TSHZ1: variants seen among roughly 807,000 people sequenced by gnomAD.
The protein encoded by TSHZ1 is teashirt zinc finger homeobox 1, also known as teashirt homolog 1.
Under a neutral mutation model 67.1 loss-of-function variants are expected in TSHZ1, and 12 were observed. The observed-to-expected ratio is 0.18, with a 90% CI of 0.11 to 0.29. TSHZ1 has a LOEUF of 0.29. TSHZ1 is among the 10% of genes least tolerant of loss of function. TSHZ1 has a pLI of 1.00. For synonymous variants in TSHZ1, 632 were observed against 622.4 expected (o/e 1.02, Z -0.23); for missense variants, 1,305 against 1,413.9 (o/e 0.92, Z 1.23).
chr18:75,234,096 CAG>C (rs987491563), intron 1 of TSHZ1, among the ~76,000 whole-genome samples: 5 of 152,154 alleles, frequency 3.3e-5, no homozygotes, highest in African/African-American at 7.2e-5. Flanking sequence ...CCTCTACACA[CAG>C]AGAGAGAAGC....
At chr18:75,218,112 G>A (rs767496625) in intron 1 of TSHZ1, among the ~76,000 whole-genome samples, 3 of 152,198 alleles carry the variant, frequency 2.0e-5, no homozygotes, top group Non-Finnish European at 4.4e-5. Flanking sequence ...CAAAACCCAG[G>A]TTTCAAACAA....
Position 75,210,987 on chromosome 18 carries a change from CT to C in TSHZ1, c.-880del, listed in dbSNP as rs897487367. The stretch of plus-strand genomic sequence containing the variant: ...CACACACTCTCCGGGTTGTTGTTGC[CT>C]TTTTTTTTTCTTGGAGGGGGGGGTG... On this transcript the variant is annotated 5_prime_UTR_variant, in exon 1 of 2. The change creates a premature stop within an existing upstream ORF in the 5' untranslated region. Transcript: ENST00000580243. 210 of 117,684 alleles carry C rather than the reference CT, an allele frequency of 1.8e-3. No homozygotes were observed. Among genetic ancestry groups the C allele is most frequent in the African/African-American group, 2.2e-3 (64 of 29,414 alleles). 7.3% of individuals were successfully genotyped at this position (117,684 alleles called of 1,614,324 possible).
intron 1 of TSHZ1, among the ~76,000 whole-genome samples, chr18:75,269,079 T>C (rs2023526407): frequency 6.6e-6 from 1 of 152,098 alleles, no homozygotes; most frequent in African/African-American, 2.4e-5. Context: ...TTTAAAAAAG[T>C]CTCCTGAAAC....
At chr18:75,249,766 G>A (rs1384066285) in intron 1 of TSHZ1, among the ~76,000 whole-genome samples, 1 of 141,998 alleles carries the variant, frequency 7.0e-6, no homozygotes, top group Admixed American at 6.9e-5. Context: ...GTGGGGGGAG[G>A]TTACTTCCTC....
chr18:75,246,104 T>C (rs1272064423), intron 1 of TSHZ1, among the ~76,000 whole-genome samples: 2 of 152,236 alleles, frequency 1.3e-5, no homozygotes, highest in African/African-American at 4.8e-5. Flanking sequence ...AACCAAGACC[T>C]GCGCTTCACG....
intron 1 of TSHZ1, among the ~76,000 whole-genome samples, chr18:75,214,926 G>A (rs2022746773): frequency 6.6e-6 from 1 of 152,056 alleles, no homozygotes; most frequent in African/African-American, 2.4e-5. Context: ...TAATCACGTT[G>A]ATATTATACA....
At position 75,288,017 on chromosome 18, in the gene TSHZ1, C is replaced by A; in HGVS notation, c.2610C>A (p.Ser870Arg). The change falls in exon 2 of 2, where the codon AGC becomes AGA. Residue 870 changes from serine to arginine, a missense_variant. Ser to Arg is a moderately radical substitution (Grantham distance 110, BLOSUM62 -1). This residue lies in a region of TSHZ1 where 909 missense variants were observed against 961.8 expected (regional missense o/e 0.95). Transcript: ENST00000580243. The surrounding 1 kb of genome is among the most constrained non-coding windows in gnomAD (Gnocchi z 4.9). ...CAGAGAAGTCCGATGCTGATGGCAG[C>A]AGCTTTGAGGAGGCGTTGGACGAGC... ...TVSEKSDADG[S>R]SFEEALDELS... 1 of 1,614,194 alleles carries A rather than the reference C, an allele frequency of 6.2e-7. No individual in the cohort carries two copies. Among genetic ancestry groups the A allele is most frequent in the Non-Finnish European group, 8.5e-7 (1 of 1,180,038 alleles).
rs148319172 is a variant in TSHZ1 at position 75,286,016 on chromosome 18, A to G, written c.609A>G (p.Ala203=). ...SSSGYDWHQA[A]LAKTLQQTSS... ...CCGGGTACGACTGGCACCAGGCTGC[A>G]CTGGCCAAGACGCTGCAGCAGACGT... The change falls in exon 2 of 2, where the codon GCA becomes GCG. Residue 203 remains alanine, a synonymous_variant. Coordinates refer to ENST00000580243, the MANE Select transcript of TSHZ1 (RefSeq NM_001308210.2). This position sits in a 1 kb window ranked among gnomAD's most constrained non-coding sequence, Gnocchi z 5.1. 1,406 of 1,610,742 alleles carry G rather than the reference A, an allele frequency of 8.7e-4. 5 individuals are homozygous for G. In the Middle Eastern group the frequency reaches 0.01, roughly 12 times the overall value.
intron 1 of TSHZ1, among the ~76,000 whole-genome samples, chr18:75,229,458 A>T (rs547764010): frequency 6.6e-6 from 1 of 152,228 alleles, no homozygotes; most frequent in African/African-American, 2.4e-5. Context: ...TGTCTATGTG[A>T]TTGCTCACTG....
At chr18:75,258,267 C>T (rs1287189874) in intron 1 of TSHZ1, among the ~76,000 whole-genome samples, 2 of 152,174 alleles carry the variant, frequency 1.3e-5, no homozygotes, top group Non-Finnish European at 2.9e-5. Context: ...AAGTGCCGCA[C>T]CCCCAAGCGA....
At chr18:75,264,555 C>T (rs952152676) in intron 1 of TSHZ1, among the ~76,000 whole-genome samples, 2 of 150,954 alleles carry the variant, frequency 1.3e-5, no homozygotes, top group African/African-American at 4.9e-5. Context: ...AGGAATTGCA[C>T]TCTGATACAT....
intron 1 of TSHZ1, among the ~76,000 whole-genome samples, chr18:75,230,211 C>T (rs1223896951): frequency 1.3e-5 from 2 of 152,198 alleles, no homozygotes. Flanking sequence ...TGCACAGGGT[C>T]TCCTGCCATC....
At chr18:75,273,609 G>A (rs1568365932) in intron 1 of TSHZ1, among the ~76,000 whole-genome samples, 1 of 152,146 alleles carries the variant, frequency 6.6e-6, no homozygotes, top group Admixed American at 6.5e-5. Flanking sequence ...TTTTTCAGAC[G>A]GTGTATGTGT....
At chr18:75,218,889 G>A (rs974085885) in intron 1 of TSHZ1, among the ~76,000 whole-genome samples, 1 of 152,144 alleles carries the variant, frequency 6.6e-6, no homozygotes. Context: ...TGCTGGGAGG[G>A]CTGTTTCCTG....
chr18:75,240,922 C>T (rs924409775), intron 1 of TSHZ1, among the ~76,000 whole-genome samples: 1 of 152,140 alleles, frequency 6.6e-6, no homozygotes, highest in Non-Finnish European at 1.5e-5. Context: ...AACAGTGGCT[C>T]ATTTGGGGGT....
In TSHZ1 at chr18:75,253,195, C is replaced by T. The variant is rs370943373; in HGVS notation, c.41-32253C>T. On this transcript the variant is annotated intron_variant, in intron 1 of 1. Coordinates refer to ENST00000580243, the MANE Select transcript of TSHZ1 (RefSeq NM_001308210.2). ...AATGGACTTTTCTGTTATATTTTAACTGGTTGTGTATTGAGATGCTGTTGA... is the reference window on the plus strand; with the variant it reads ...AATGGACTTTTCTGTTATATTTTAATTGGTTGTGTATTGAGATGCTGTTGA... 8.2e-4 allele frequency among the ~76,000 whole-genome samples: 125 copies of T among 152,068 alleles called. 1 individual carries two copies. The highest frequency in any genetic ancestry group is 2.9e-3 in the African/African-American group (121 of 41,478).
At chr18:75,278,778 T>C (rs1014202323) in intron 1 of TSHZ1, among the ~76,000 whole-genome samples, 4 of 152,008 alleles carry the variant, frequency 2.6e-5, no homozygotes, top group Admixed American at 1.3e-4. Context: ...CCGGAGGTGG[T>C]GCTGTGGCTC....
chr18:75,288,899 A>T lies in TSHZ1; in HGVS notation c.*258A>T, dbSNP rs1053473813. 8.9e-5 allele frequency: 35 copies of T among 392,750 alleles called. No homozygotes were observed. The highest frequency in any genetic ancestry group is 7.1e-4 in the African/African-American group (34 of 48,166). The allele number at this position is 392,750 out of a possible 1,614,324, so 24.3% of individuals were successfully genotyped here. ...TGTTAAGCTATCTTTTGTAGGAAAT[A>T]GTGGGGCACACTACTCAGAGACATT... On this transcript the variant is annotated 3_prime_UTR_variant, in exon 2 of 2. Transcript: ENST00000580243. The surrounding 1 kb of genome is among the most constrained non-coding windows in gnomAD (Gnocchi z 4.9).
intron 1 of TSHZ1, among the ~76,000 whole-genome samples, chr18:75,236,466 G>A (rs1442541564): frequency 1.3e-5 from 2 of 152,154 alleles, no homozygotes; most frequent in Non-Finnish European, 2.9e-5. Flanking sequence ...TATAAAACAC[G>A]TTTAAGGGAT....
Sources: gnomAD v4.1 joint callset for allele counts (sites outside exome capture counted in the v4.1 genomes callset) on GRCh38, gnomAD v4.1.1 for gene constraint, gnomAD v4.1.1 regional missense constraint, Gnocchi (gnomAD v3.1) non-coding constraint, MANE v1.5 for transcripts, NCBI Gene and HGNC (gene_info 2026-07-23, HGNC 2026-07-21) for gene names.